Variants in H3-3A observed in about 807,000 individuals in gnomAD.
H3-3A encodes the protein H3.3 histone A.
For missense variants in H3-3A, 7 were observed against 184.0 expected (o/e 0.04, Z 5.57); for synonymous variants, 49 against 61.4 (o/e 0.80, Z 0.95).
intron 3 of H3-3A, among the ~76,000 whole-genome samples, chr1:226,069,024 G>A (rs1247405795): frequency 1.3e-5 from 2 of 151,358 alleles, no homozygotes; most frequent in African/African-American, 2.4e-5. Context: ...GGCTAAAAAG[G>A]ATGAAGCTAG....
chr1:226,062,233 G>C (rs1265206386), upstream of H3-3A: 3 of 150,832 alleles, frequency 2.0e-5, no homozygotes, highest in Non-Finnish European at 3.0e-5. Context: ...GGCGCGCGCC[G>C]GGGCCCGCGC....
intron 1 of H3-3A, among the ~76,000 whole-genome samples, chr1:226,063,393 G>A (rs1437899010): frequency 1.3e-5 from 2 of 149,636 alleles, no homozygotes; most frequent in African/African-American, 5.0e-5. Flanking sequence ...TTTTGGAGAG[G>A]CGGAAACTTG....
At chr1:226,064,551 GA>G in intron 2 of H3-3A, 72 bp downstream of exon 2, 1 of 1,304,386 alleles carries the variant, frequency 7.7e-7, no homozygotes, top group Non-Finnish European at 1.1e-6. Flanking sequence ...CAAAAAGATG[GA>G]TAACAGGAAA....
upstream of H3-3A, chr1:226,061,868 G>T (rs1657716059): frequency 6.6e-6 from 1 of 152,266 alleles, no homozygotes; most frequent in Non-Finnish European, 1.5e-5. Flanking sequence ...CAGCCATCTT[G>T]CGTCGGGGGC....
upstream of H3-3A, chr1:226,062,228 G>A (rs1657731221): frequency 6.6e-6 from 1 of 151,068 alleles, no homozygotes; most frequent in Admixed American, 6.6e-5. Context: ...TCGGGGGCGC[G>A]CGCCGGGGCC....
chr1:226,064,795 TAA>T lies in H3-3A; in HGVS notation c.128+317_128+318del, dbSNP rs1345143062. Reference sequence around the variant, plus strand: ...CTATTAGTAATTCTTTAAAAATAGTTAAGTGTTGCTTTCTTGAATACACTTTT... The same window carrying T: ...CTATTAGTAATTCTTTAAAAATAGTTGTGTTGCTTTCTTGAATACACTTTT... On this transcript the variant is annotated intron_variant, in intron 2 of 3. Coordinates refer to ENST00000366815, the MANE Select transcript of H3-3A (RefSeq NM_002107.7). 2.6e-5 allele frequency among the ~76,000 whole-genome samples: 4 copies of T among 152,348 alleles called. No homozygotes were observed. The South Asian group carries it at 6.2e-4, about 24-fold the overall frequency.
At chr1:226,065,456 T>G (rs1657893783) in intron 2 of H3-3A, among the ~76,000 whole-genome samples, 200 bp from the exon 3 acceptor site, 2 of 152,260 alleles carry the variant, frequency 1.3e-5, no homozygotes, top group African/African-American at 4.8e-5. Context: ...CATTTTAATT[T>G]CATGCTTTTT....
Position 226,071,686 on chromosome 1 carries a change from T to G in H3-3A, c.*207T>G, listed in dbSNP as rs548430481. 3.0e-6 allele frequency: 1 copy of G among 330,828 alleles called. No homozygotes were observed. The highest frequency in any genetic ancestry group is 2.5e-5 in the African/African-American group (1 of 39,946). 20.5% of individuals were successfully genotyped at this position (330,828 alleles called of 1,614,324 possible). On this transcript the variant is annotated 3_prime_UTR_variant, in exon 4 of 4. Coordinates refer to ENST00000366815, the MANE Select transcript of H3-3A (RefSeq NM_002107.7). ...TTCATTTGTGTGTGAATTTTTAATA[T>G]AAATGCGGAGACGTAAAGCATTAAT...
At chr1:226,062,475 C>A (rs1657744304), upstream of H3-3A, among the ~76,000 whole-genome samples, 1 of 149,478 alleles carries the variant, frequency 6.7e-6, no homozygotes, top group Admixed American at 6.6e-5. Context: ...GGCGGCCCCT[C>A]AGCGTGTCTT....
At chr1:226,068,821 A>AG (rs907118991) in intron 3 of H3-3A, among the ~76,000 whole-genome samples, 38 of 152,330 alleles carry the variant, frequency 2.5e-4, no homozygotes, top group African/African-American at 8.4e-4. Context: ...CCAAGGAACT[A>AG]GGAGTTCAGG....
At chr1:226,070,397 G>A (rs900310883) in intron 3 of H3-3A, among the ~76,000 whole-genome samples, 4 of 152,004 alleles carry the variant, frequency 2.6e-5, no homozygotes, top group Non-Finnish European at 5.9e-5. Flanking sequence ...ACATGAACCT[G>A]GGAGGTGGAG....
chr1:226,064,614 C>G, intron 2 of H3-3A, 135 bp downstream of exon 2: 1 of 619,732 alleles, frequency 1.6e-6, no homozygotes. Flanking sequence ...TTAACTACTG[C>G]TTAAATAAAT....
Position 226,063,597 on chromosome 1 carries a change from G to A in H3-3A, c.-23-732G>A, listed in dbSNP as rs562922187. ...GAGGCGCTGGGAGCGAGGCGGGCAG[G>A]TTGGGGGACCCTGTGCCGAGGGACC... On this transcript the variant is annotated intron_variant, in intron 1 of 3. Transcript: ENST00000366815. 3.3e-5 allele frequency among the ~76,000 whole-genome samples: 5 copies of A among 152,312 alleles called. No homozygotes were observed. The South Asian group carries it at 8.3e-4, about 25-fold the overall frequency.
chr1:226,062,450 G>A (rs1457835509), upstream of H3-3A, among the ~76,000 whole-genome samples: 1 of 150,736 alleles, frequency 6.6e-6, no homozygotes, highest in Non-Finnish European at 1.5e-5. Context: ...GCGGGCGGCA[G>A]TCTCGGCGGG....
intron 3 of H3-3A, among the ~76,000 whole-genome samples, chr1:226,070,848 A>G (rs2102742016): frequency 6.6e-6 from 1 of 152,324 alleles, no homozygotes; most frequent in East Asian, 1.9e-4. Flanking sequence ...TAAAACAGGT[A>G]TGAAAGGGAA....
rs1657817509 is a variant in H3-3A at position 226,063,667 on chromosome 1, C to T, written c.-23-662C>T. 2.0e-5 allele frequency among the ~76,000 whole-genome samples: 3 copies of T among 152,036 alleles called. No individual in the cohort carries two copies. The South Asian group carries it at 6.2e-4, about 32-fold the overall frequency. Reference sequence around the variant, plus strand: ...AGTTTATGTGGTGCTTGGGGTGGACCGGTCGGCGGATGTCGTGCGTTAATT... The same window carrying T: ...AGTTTATGTGGTGCTTGGGGTGGACTGGTCGGCGGATGTCGTGCGTTAATT... On this transcript the variant is annotated intron_variant, in intron 1 of 3. Transcript: ENST00000366815.
intron 3 of H3-3A, among the ~76,000 whole-genome samples, chr1:226,070,063 A>T (rs920174524): frequency 3.3e-5 from 5 of 152,204 alleles, no homozygotes; most frequent in African/African-American, 1.2e-4. Flanking sequence ...CAAATGGGAA[A>T]AACCAGAGAA....
chr1:226,068,893 T>A (rs1658007120), intron 3 of H3-3A, among the ~76,000 whole-genome samples: 1 of 152,212 alleles, frequency 6.6e-6, no homozygotes, highest in Non-Finnish European at 1.5e-5. Context: ...CATGGAATAG[T>A]CTTGAGCTGG....
At chr1:226,065,476 G>T (rs1003204462) in intron 2 of H3-3A, among the ~76,000 whole-genome samples, 180 bp from the exon 3 acceptor site, 1 of 152,122 alleles carries the variant, frequency 6.6e-6, no homozygotes, top group Non-Finnish European at 1.5e-5. Flanking sequence ...TGCTTTAAAG[G>T]TATTGTTACT....
Sources: allele counts gnomAD v4.1 joint callset (sites outside exome capture counted in the v4.1 genomes callset), GRCh38; gene constraint gnomAD v4.1.1; transcripts MANE v1.5; gene names NCBI Gene and HGNC (gene_info 2026-07-23, HGNC 2026-07-21).